Variants in UGT8 observed in about 807,000 individuals in gnomAD.
The protein encoded by UGT8 is 2-hydroxyacylsphingosine 1-beta-galactosyltransferase.
UGT8 carries 12 observed loss-of-function variants against 40.5 expected under a neutral mutation model. The observed-to-expected ratio is 0.30, with a 90% CI of 0.19 to 0.48. UGT8 has a LOEUF of 0.48. UGT8 is among the 20% of genes least tolerant of loss of function. The probability of loss-of-function intolerance (pLI) is 0.99; values close to 1 mark genes in which losing one functional copy is unlikely to be tolerated. For missense variants in UGT8, 513 were observed against 648.7 expected (o/e 0.79, Z 2.27); for synonymous variants, 224 against 240.4 (o/e 0.93, Z 0.63).
chr4:114,629,640 C>G (rs1200474612), intron 2 of UGT8, among the ~76,000 whole-genome samples: 1 of 152,158 alleles, frequency 6.6e-6, no homozygotes. Context: ...GTAAGTAAAT[C>G]AAGCACTGTT....
chr4:114,676,054 C>G lies in UGT8; in HGVS notation c.1392C>G (p.Val464=), dbSNP rs775770360. The G allele has an allele frequency of 2.5e-6, 4 of 1,614,096 alleles. No homozygotes were observed. The South Asian group carries it at 3.3e-5, about 13-fold the overall frequency. ...HNGAHHLRAA[V]HQISFCQYFL... is the part of the protein sequence containing the mutation. ...GAGCCCATCACCTACGTGCCGCTGT[C>G]CATCAGATCTCCTTTTGTCAGTATT... The change falls in exon 6 of 6, where the codon GTC becomes GTG. Residue 464 remains valine (V), a synonymous_variant. Transcript: ENST00000310836.
chr4:114,659,384 A>G (rs1444930850), intron 2 of UGT8, among the ~76,000 whole-genome samples: 1 of 152,238 alleles, frequency 6.6e-6, no homozygotes, highest in East Asian at 1.9e-4. Context: ...CTTAAGTTGC[A>G]TAGGAATGGA....
At chr4:114,665,296 C>A in intron 3 of UGT8, 1 of 737,002 alleles carries the variant, frequency 1.4e-6, no homozygotes, top group Non-Finnish European at 1.7e-6. Flanking sequence ...TATTGACTGC[C>A]ATAGCAGTGG....
At chr4:114,653,414 GA>G (rs1733999697) in intron 2 of UGT8, among the ~76,000 whole-genome samples, 1 of 152,060 alleles carries the variant, frequency 6.6e-6, no homozygotes, top group African/African-American at 2.4e-5. Flanking sequence ...CTATTTGAGT[GA>G]TTTACCCTGG....
At chr4:114,636,299 T>C (rs1287180038) in intron 2 of UGT8, among the ~76,000 whole-genome samples, 1 of 152,234 alleles carries the variant, frequency 6.6e-6, no homozygotes, top group Admixed American at 6.5e-5. Flanking sequence ...TTGAGTACTT[T>C]TGTTATTCTC....
intron 2 of UGT8, among the ~76,000 whole-genome samples, chr4:114,624,260 T>G (rs1208173008): frequency 6.6e-6 from 1 of 152,230 alleles, no homozygotes; most frequent in Admixed American, 6.5e-5. Flanking sequence ...GCATGCTCTA[T>G]TGCAATTTCA....
At chr4:114,643,590 T>C (rs1304854337) in intron 2 of UGT8, among the ~76,000 whole-genome samples, 1 of 152,184 alleles carries the variant, frequency 6.6e-6, no homozygotes. Flanking sequence ...TGTATTTCCT[T>C]CTGATAGTGC....
Position 114,629,156 on chromosome 4 carries a change from C to A in UGT8, c.822+5454C>A, listed in dbSNP as rs373870701. ...CCATTTTTATTAATAATTACATATGCAATTTGTTATCTTATGAAATTTAAA... is the reference window on the plus strand; with the variant it reads ...CCATTTTTATTAATAATTACATATGAAATTTGTTATCTTATGAAATTTAAA... On this transcript the variant is annotated intron_variant, in intron 2 of 5. Transcript: ENST00000310836. Among the ~76,000 whole-genome samples, 17 of 152,176 alleles carry A rather than the reference C, an allele frequency of 1.1e-4. No homozygotes were observed. The East Asian group carries it at 2.7e-3, about 24-fold the overall frequency.
intron 5 of UGT8, among the ~76,000 whole-genome samples, chr4:114,675,257 TG>T (rs1735552834): frequency 6.6e-6 from 1 of 152,180 alleles, no homozygotes; most frequent in Non-Finnish European, 1.5e-5. Flanking sequence ...GTTTCCATCC[TG>T]GTTGAAACTT....
intron 2 of UGT8, among the ~76,000 whole-genome samples, chr4:114,662,350 A>G (rs1734594333): frequency 1.3e-5 from 2 of 152,226 alleles, no homozygotes; most frequent in South Asian, 2.1e-4. Flanking sequence ...GCTACAGCTC[A>G]CTGTCACTGT....
At chr4:114,620,586 A>C (rs1472141883) in intron 1 of UGT8, among the ~76,000 whole-genome samples, 1 of 152,220 alleles carries the variant, frequency 6.6e-6, no homozygotes, top group Non-Finnish European at 1.5e-5. Flanking sequence ...AATTATTTTT[A>C]AAGCCTTATA....
chr4:114,673,448 G>A (rs778629988), intron 5 of UGT8, among the ~76,000 whole-genome samples: 7 of 152,174 alleles, frequency 4.6e-5, no homozygotes, highest in Non-Finnish European at 8.8e-5. Context: ...CTAAGAGTCT[G>A]ACCGATGAAA....
intron 2 of UGT8, among the ~76,000 whole-genome samples, chr4:114,649,817 A>G (rs1341705906): frequency 6.6e-6 from 1 of 152,194 alleles, no homozygotes; most frequent in Non-Finnish European, 1.5e-5. Flanking sequence ...ATTTTAAAAA[A>G]AAACCCTTAA....
chr4:114,634,617 G>A (rs1237642633), intron 2 of UGT8, among the ~76,000 whole-genome samples: 15 of 152,172 alleles, frequency 9.9e-5, no homozygotes. Context: ...AATTTTAGTT[G>A]TTGCTAAGTA....
At position 114,664,428 on chromosome 4, in the gene UGT8, ACT is replaced by A. The variant is rs1329052650; in HGVS notation, c.965+294_965+295del. ...TTCCCTCAGAGTTCTACCCTCGTTT[ACT>A]CTTTTATTATTTATTATGATTTTAA... On this transcript the variant is annotated intron_variant, in intron 3 of 5. Coordinates refer to ENST00000310836, the MANE Select transcript of UGT8 (RefSeq NM_001128174.3). 6.6e-5 allele frequency among the ~76,000 whole-genome samples: 10 copies of A among 151,886 alleles called. No individual in the cohort carries two copies. The South Asian group carries it at 2.1e-3, about 32-fold the overall frequency.
At chr4:114,600,826 C>T (rs1730399782) in intron 1 of UGT8, among the ~76,000 whole-genome samples, 1 of 151,968 alleles carries the variant, frequency 6.6e-6, no homozygotes, top group Non-Finnish European at 1.5e-5. Flanking sequence ...TGAGGTTTTG[C>T]TTTAGGAATG....
chr4:114,666,355 G>T (rs548964943), intron 4 of UGT8, among the ~76,000 whole-genome samples: 4 of 152,108 alleles, frequency 2.6e-5, no homozygotes, highest in East Asian at 1.9e-4. Context: ...ATAGTAATTA[G>T]TATATGCGTA....
At chr4:114,608,059 T>C (rs1730835622) in intron 1 of UGT8, among the ~76,000 whole-genome samples, 1 of 152,214 alleles carries the variant, frequency 6.6e-6, no homozygotes, top group Admixed American at 6.5e-5. Context: ...TGCTTTCTGA[T>C]CAGACTTATT....
intron 1 of UGT8, among the ~76,000 whole-genome samples, chr4:114,606,534 A>G (rs1560664181): frequency 6.6e-6 from 1 of 152,222 alleles, no homozygotes; most frequent in African/African-American, 2.4e-5. Context: ...CTAGTCAAAC[A>G]GGTTTGCCTG....
Sources: allele counts gnomAD v4.1 joint callset (sites outside exome capture counted in the v4.1 genomes callset), GRCh38; gene constraint gnomAD v4.1.1; transcripts MANE v1.5; gene names NCBI Gene and HGNC (gene_info 2026-07-23, HGNC 2026-07-21).